GPHN: variants seen among roughly 807,000 people sequenced by gnomAD.
The protein encoded by GPHN is gephyrin.
In GPHN, 17 loss-of-function variants were observed where a neutral mutation model predicts 95.5. The ratio of observed to expected loss-of-function variants is 0.18; its 90% CI spans 0.12 to 0.27. The LOEUF (loss-of-function observed/expected upper bound fraction) is 0.27. Ranked by LOEUF, GPHN falls within the 10% of genes least tolerant of loss-of-function variation. GPHN has a pLI of 1.00. For missense variants in GPHN, 660 were observed against 978.1 expected (o/e 0.67, Z 4.34); for synonymous variants, 320 against 322.5 (o/e 0.99, Z 0.08).
At chr14:67,633,365 T>C in the GPHN span, among the ~76,000 whole-genome samples, 2 of 152,162 alleles carry the variant, frequency 1.3e-5, no homozygotes, top group African/African-American at 2.4e-5. Context: ...CTATGACATA[T>C]TCTATGGCGA....
chr14:67,129,258 G>A (rs2079534307), intron 17 of GPHN, among the ~76,000 whole-genome samples: 1 of 152,004 alleles, frequency 6.6e-6, no homozygotes, highest in Non-Finnish European at 1.5e-5. Flanking sequence ...ATTGACAACT[G>A]TAATCAAACT....
At chr14:67,463,453 C>T in the GPHN span, among the ~76,000 whole-genome samples, 7 of 152,118 alleles carry the variant, frequency 4.6e-5, no homozygotes, top group East Asian at 3.9e-4. Flanking sequence ...TCCTGACTAA[C>T]ACGATGAAAC....
At chr14:67,482,847 G>C in the GPHN span, among the ~76,000 whole-genome samples, 4 of 152,192 alleles carry the variant, frequency 2.6e-5, no homozygotes, top group Admixed American at 1.3e-4. Context: ...CCTGGGATTA[G>C]TGATACTGCA....
intron 3 of GPHN, among the ~76,000 whole-genome samples, chr14:66,795,900 G>A (rs1463644665): frequency 1.3e-5 from 2 of 151,992 alleles, no homozygotes; most frequent in Non-Finnish European, 2.9e-5. Context: ...TAGTCACTCT[G>A]TTTTGCTATC....
At chr14:66,785,717 A>C (rs1185559616) in intron 3 of GPHN, among the ~76,000 whole-genome samples, 1 of 151,598 alleles carries the variant, frequency 6.6e-6, no homozygotes, top group Admixed American at 6.6e-5. Context: ...AAACCAAAAA[A>C]AAACCAAAAA....
At chr14:67,495,382 A>G in the GPHN span, among the ~76,000 whole-genome samples, 1 of 152,190 alleles carries the variant, frequency 6.6e-6, no homozygotes, top group African/African-American at 2.4e-5. Flanking sequence ...TTTGGAGTGT[A>G]TCCGTATATG....
intron 21 of GPHN, among the ~76,000 whole-genome samples, chr14:67,171,383 AAAG>A (rs1272462906): frequency 1.3e-5 from 2 of 152,012 alleles, no homozygotes; most frequent in Non-Finnish European, 2.9e-5. Flanking sequence ...AGAAAAAAAA[AAAG>A]AAAAAGAAAA....
At chr14:67,519,491 C>A in the GPHN span, among the ~76,000 whole-genome samples, 1 of 152,182 alleles carries the variant, frequency 6.6e-6, no homozygotes, top group Non-Finnish European at 1.5e-5. Context: ...AAGTTGAGTC[C>A]TGCATTCACC....
At chr14:67,597,281 C>G in the GPHN span, among the ~76,000 whole-genome samples, 1 of 152,146 alleles carries the variant, frequency 6.6e-6, no homozygotes, top group East Asian at 1.9e-4. Context: ...AGTTCAAGAC[C>G]AGCCTGGGCA....
At chr14:66,941,159 T>C (rs926603313) in intron 8 of GPHN, among the ~76,000 whole-genome samples, 88 of 152,090 alleles carry the variant, frequency 5.8e-4, no homozygotes, top group African/African-American at 2.1e-3. Flanking sequence ...TAGTCTAAAA[T>C]GTAGGTTACA....
At position 67,015,835 on chromosome 14, in the gene GPHN, G is replaced by A. The variant is rs563068766; in HGVS notation, c.964-7798G>A. ...TTATGTGTGTATGTGTGTGTGTATG[G>A]AAGTTCACCTTTGATTAGAGGTTTT... On this transcript the variant is annotated intron_variant, in intron 9 of 22. Transcript: ENST00000478722. Among the ~76,000 whole-genome samples the A allele has an allele frequency of 8.3e-4, 126 of 152,246 alleles. 4 individuals are homozygous for A. The South Asian group carries it at 0.026, about 31-fold the overall frequency.
At chr14:67,574,277 C>T in the GPHN span, 17 of 1,608,648 alleles carry the variant, frequency 1.1e-5, 1 homozygote, top group South Asian at 4.5e-5. This position sits in a 1 kb window ranked among gnomAD's most constrained non-coding sequence, Gnocchi z 4.2. Context: ...ACCTGACGGC[C>T]GATTCACCCA....
At chr14:67,109,075 A>C (rs76030661) in intron 13 of GPHN, among the ~76,000 whole-genome samples, 7,835 of 152,254 alleles carry the variant, frequency 0.051, 223 homozygotes, top group Middle Eastern at 0.068. Flanking sequence ...AAACCTGCAC[A>C]GCATATTACA....
chr14:67,408,179 A>C, the GPHN span, among the ~76,000 whole-genome samples: 1,793 of 151,884 alleles, frequency 0.012, 30 homozygotes, highest in African/African-American at 0.041. Context: ...TCAGCTACTC[A>C]GGAGGCTGAG....
At chr14:66,511,567 T>C (rs2058041965) in intron 1 of GPHN, among the ~76,000 whole-genome samples, 1 of 152,110 alleles carries the variant, frequency 6.6e-6, no homozygotes, top group Non-Finnish European at 1.5e-5. Context: ...CGTTGTGACA[T>C]TTTTTATTAC....
At chr14:67,204,984 C>T in the GPHN span, 167,480 of 1,575,274 alleles carry the variant, frequency 0.11, 17,154 homozygotes, top group East Asian at 0.41. Context: ...TCATAGAAGT[C>T]AGAGAAGCCA....
At chr14:66,716,400 A>T (rs943371856) in intron 2 of GPHN, among the ~76,000 whole-genome samples, 3 of 152,108 alleles carry the variant, frequency 2.0e-5, no homozygotes, top group Admixed American at 2.0e-4. Context: ...TAAGTGTTAG[A>T]TGAGTCTCTG....
the GPHN span, chr14:67,333,633 C>G: frequency 2.0e-5 from 3 of 152,608 alleles, no homozygotes; most frequent in Non-Finnish European, 2.9e-5. Flanking sequence ...TCAACACACT[C>G]TAATCTACTT....
At chr14:67,260,685 A>G in the GPHN span, among the ~76,000 whole-genome samples, 1 of 152,246 alleles carries the variant, frequency 6.6e-6, no homozygotes, top group African/African-American at 2.4e-5. Flanking sequence ...CAATATGTCA[A>G]AAGTTTAATG....
Sources: allele counts gnomAD v4.1 joint callset (sites outside exome capture counted in the v4.1 genomes callset), GRCh38; gene constraint gnomAD v4.1.1; non-coding constraint Gnocchi (gnomAD v3.1); transcripts MANE v1.5; gene names NCBI Gene and HGNC (gene_info 2026-07-23, HGNC 2026-07-21).